Variants in MON2 observed in about 807,000 individuals in gnomAD.
The protein encoded by MON2 is protein MON2 homolog.
In MON2, 84 loss-of-function variants were observed where a neutral mutation model predicts 208.6. That is an observed-to-expected ratio of 0.40 (90% confidence interval 0.34 to 0.48). The LOEUF (loss-of-function observed/expected upper bound fraction) is 0.48. MON2 is among the 20% of genes least tolerant of loss of function. The pLI, the probability that MON2 is intolerant of heterozygous loss-of-function variation, is 0.59. For missense variants in MON2, 1,611 were observed against 2,015.4 expected (o/e 0.80, Z 3.84); for synonymous variants, 660 against 694.0 (o/e 0.95, Z 0.77).
chr12:62,503,922 C>T (rs2136093413), intron 7 of MON2, among the ~76,000 whole-genome samples: 1 of 152,256 alleles, frequency 6.6e-6, no homozygotes, highest in South Asian at 2.1e-4. Context: ...TTTCTTATCT[C>T]TCTTTTTCTT....
intron 33 of MON2, chr12:62,587,854 G>A: frequency 5.4e-6 from 2 of 370,198 alleles, no homozygotes; most frequent in South Asian, 1.1e-4. Flanking sequence ...TAATTGATAA[G>A]TCATGGCAAG....
At chr12:62,467,463 C>T (rs1015263362) in intron 1 of MON2, 145 bp downstream of exon 1, 5 of 656,144 alleles carry the variant, frequency 7.6e-6, no homozygotes, top group Admixed American at 5.3e-5. Context: ...TCCACAAGGG[C>T]TTTTTATAGT....
At chr12:62,498,048 C>CT (rs34160326) in intron 4 of MON2, among the ~76,000 whole-genome samples, 3,500 of 146,886 alleles carry the variant, frequency 0.024, 58 homozygotes, top group Middle Eastern at 0.045. Context: ...TTCATAGCAG[C>CT]TTTTTTTTTT....
chr12:62,542,818 G>T (rs897734736), intron 19 of MON2, among the ~76,000 whole-genome samples: 1 of 152,020 alleles, frequency 6.6e-6, no homozygotes, highest in Admixed American at 6.5e-5. Flanking sequence ...TGGAAGACTA[G>T]CCATTCTATG....
chr12:62,471,620 G>A (rs1419606086), intron 1 of MON2, among the ~76,000 whole-genome samples: 1 of 152,180 alleles, frequency 6.6e-6, no homozygotes, highest in Non-Finnish European at 1.5e-5. Context: ...AATAATATTT[G>A]AAACCATAGA....
intron 25 of MON2, chr12:62,560,213 AC>A: frequency 3.7e-6 from 1 of 268,080 alleles, no homozygotes; most frequent in Non-Finnish European, 7.0e-6. Flanking sequence ...CTCGTCACCT[AC>A]CTGAGTTTTG....
chr12:62,577,503 A>G (rs1414905037), intron 30 of MON2, among the ~76,000 whole-genome samples: 1 of 152,134 alleles, frequency 6.6e-6, no homozygotes, highest in African/African-American at 2.4e-5. Flanking sequence ...ACAGAAGTGT[A>G]TATTAAACCT....
chr12:62,590,899 C>T (rs1478602756), intron 34 of MON2, among the ~76,000 whole-genome samples: 1 of 152,230 alleles, frequency 6.6e-6, no homozygotes, highest in Non-Finnish European at 1.5e-5. Context: ...AGGTGATCCA[C>T]CCGCCTTGGC....
At chr12:62,548,700 G>A (rs2073607416) in intron 22 of MON2, among the ~76,000 whole-genome samples, 1 of 152,096 alleles carries the variant, frequency 6.6e-6, no homozygotes, top group African/African-American at 2.4e-5. Flanking sequence ...TGTAGTAAGG[G>A]TATAATGAAT....
chr12:62,527,178 G>A (rs896068956), intron 11 of MON2, among the ~76,000 whole-genome samples: 2 of 151,896 alleles, frequency 1.3e-5, no homozygotes, highest in East Asian at 3.9e-4. Context: ...ATATGAAACA[G>A]ACTCAGGAAG....
chr12:62,524,434 C>T, intron 8 of MON2, 81 bp from the exon 9 acceptor site: 1 of 1,150,956 alleles, frequency 8.7e-7, no homozygotes, highest in Admixed American at 2.0e-5. Flanking sequence ...TTGTCCATAG[C>T]ACTAAGTTAA....
chr12:62,533,890 T>C (rs2072779349), intron 12 of MON2, among the ~76,000 whole-genome samples: 1 of 152,176 alleles, frequency 6.6e-6, no homozygotes, highest in Admixed American at 6.5e-5. Flanking sequence ...ACCACAAGGT[T>C]TATTTTTAAC....
intron 23 of MON2, 60 bp from the exon 24 acceptor site, chr12:62,552,821 T>G: frequency 7.6e-7 from 1 of 1,312,264 alleles, no homozygotes; most frequent in East Asian, 2.3e-5. Flanking sequence ...ACATGTTGCA[T>G]ATTTATGTGT....
At chr12:62,480,525 A>G (rs559694613) in intron 1 of MON2, among the ~76,000 whole-genome samples, 1 of 152,304 alleles carries the variant, frequency 6.6e-6, no homozygotes, top group Non-Finnish European at 1.5e-5. Flanking sequence ...TGATCCTGCC[A>G]TTAACACTTC....
chr12:62,533,815 A>T (rs2072775206), intron 12 of MON2, among the ~76,000 whole-genome samples: 1 of 152,112 alleles, frequency 6.6e-6, no homozygotes, highest in African/African-American at 2.4e-5. Flanking sequence ...TACATTTCTA[A>T]AATGTCTGTT....
At chr12:62,530,371 C>T (rs531303269) in intron 11 of MON2, among the ~76,000 whole-genome samples, 2 of 151,986 alleles carry the variant, frequency 1.3e-5, no homozygotes, top group African/African-American at 4.8e-5. Context: ...GCTGTGACTA[C>T]AGGTTCCTGC....
At chr12:62,592,192 C>G in intron 34 of MON2, among the ~76,000 whole-genome samples, 1 of 152,290 alleles carries the variant, frequency 6.6e-6, no homozygotes, top group South Asian at 2.1e-4. Context: ...CAAAAGATTT[C>G]TACTTTTAGC....
intron 30 of MON2, among the ~76,000 whole-genome samples, chr12:62,575,783 G>T (rs1357338965): frequency 6.6e-6 from 1 of 152,144 alleles, no homozygotes; most frequent in East Asian, 1.9e-4. Flanking sequence ...AAAAGACAAA[G>T]TTGAAAAACA....
At chr12:62,555,245 A>T (rs961190693) in intron 24 of MON2, among the ~76,000 whole-genome samples, 1 of 151,444 alleles carries the variant, frequency 6.6e-6, no homozygotes, top group Non-Finnish European at 1.5e-5. Flanking sequence ...GCATGATCAC[A>T]GCTCACTGCA....
Sources: allele counts gnomAD v4.1 joint callset (sites outside exome capture counted in the v4.1 genomes callset), GRCh38; gene constraint gnomAD v4.1.1; transcripts MANE v1.5; gene names NCBI Gene and HGNC (gene_info 2026-07-23, HGNC 2026-07-21).